The following ZNF37A variants were observed in gnomAD, a reference collection of about 807,000 sequenced individuals.
The protein encoded by ZNF37A is zinc finger protein 37A, also known as zinc finger protein 37a (KOX 21).
In ZNF37A, 10 loss-of-function variants were observed where a neutral mutation model predicts 12.3. The observed-to-expected ratio is 0.82, with a 90% CI of 0.50 to 1.38. The LOEUF (loss-of-function observed/expected upper bound fraction) is 1.38, where lower values mean the gene tolerates loss of function less well. Among genes scored for constraint, ZNF37A ranks in the 40% most tolerant of loss-of-function variants. The probability of loss-of-function intolerance (pLI) is 0.00; values close to 1 mark genes in which losing one functional copy is unlikely to be tolerated. For missense variants in ZNF37A, 580 were observed against 651.2 expected (o/e 0.89, Z 1.19); for synonymous variants, 207 against 223.0 (o/e 0.93, Z 0.64).
At chr10:38,103,053 G>C (rs891989631) in intron 5 of ZNF37A, among the ~76,000 whole-genome samples, 7 of 152,072 alleles carry the variant, frequency 4.6e-5, no homozygotes, top group African/African-American at 2.4e-5. Context: ...AGTTTCTTTA[G>C]AGTCTTGGAC....
chr10:38,139,643 G>A (rs1165085076), intron 7 of ZNF37A: 2 of 152,148 alleles, frequency 1.3e-5, no homozygotes, highest in Non-Finnish European at 2.9e-5. Flanking sequence ...TGGGATTATA[G>A]GTGTACACCA....
At chr10:38,139,057 T>C (rs1183351125) in intron 7 of ZNF37A, 2 of 152,206 alleles carry the variant, frequency 1.3e-5, no homozygotes, top group Non-Finnish European at 2.9e-5. Flanking sequence ...GTGCATGAGT[T>C]CATTACAAAT....
intron 5 of ZNF37A, among the ~76,000 whole-genome samples, chr10:38,108,541 T>A (rs2068342417): frequency 6.6e-6 from 1 of 151,892 alleles, no homozygotes; most frequent in African/African-American, 2.4e-5. Context: ...AAAAAATCAA[T>A]GAATCCAGGA....
At chr10:38,136,944 A>T (rs1564387671) in intron 7 of ZNF37A, among the ~76,000 whole-genome samples, 1 of 151,996 alleles carries the variant, frequency 6.6e-6, no homozygotes, top group Non-Finnish European at 1.5e-5. Context: ...ACCCCTCTAG[A>T]GTATTTTCAG....
intron 7 of ZNF37A, among the ~76,000 whole-genome samples, chr10:38,145,641 G>A (rs1177167285): frequency 9.9e-5 from 15 of 152,254 alleles, no homozygotes; most frequent in South Asian, 2.1e-4. Flanking sequence ...ACTGCGCAGC[G>A]GAAAACAATG....
chr10:38,129,686 G>T (rs77378561), downstream of ZNF37A, among the ~76,000 whole-genome samples: 2,336 of 152,220 alleles, frequency 0.015, 65 homozygotes, highest in African/African-American at 0.054. Flanking sequence ...TGCCATTAGA[G>T]ATTTCATGTA....
downstream of ZNF37A, among the ~76,000 whole-genome samples, chr10:38,129,319 A>AAAAAAAAAC: frequency 2.0e-4 from 23 of 116,292 alleles, no homozygotes; most frequent in African/African-American, 7.6e-4. Context: ...AAAAAAAAAA[A>AAAAAAAAAC]AAACTATTAT....
At chr10:38,133,620 CCATGTCCCTACAAAG>C (rs1347608400) in intron 7 of ZNF37A, among the ~76,000 whole-genome samples, 1 of 152,122 alleles carries the variant, frequency 6.6e-6, no homozygotes, top group Non-Finnish European at 1.5e-5. Context: ...CCACTTTCAT[CCATGTCCCTACAAAG>C]GACATGAACT....
chr10:38,102,487 A>C (rs1276333831), intron 5 of ZNF37A, among the ~76,000 whole-genome samples: 1 of 152,186 alleles, frequency 6.6e-6, no homozygotes, highest in African/African-American at 2.4e-5. Flanking sequence ...TTATTGTCAC[A>C]TATTAGGCCT....
intron 5 of ZNF37A, among the ~76,000 whole-genome samples, chr10:38,109,340 A>G (rs2135953756): frequency 6.6e-6 from 1 of 152,254 alleles, no homozygotes; most frequent in Non-Finnish European, 1.5e-5. Context: ...ACATATCTCA[A>G]AATAATAATA....
At chr10:38,140,474 A>G (rs2070167264) in intron 7 of ZNF37A, 1 of 152,236 alleles carries the variant, frequency 6.6e-6, no homozygotes, top group Admixed American at 6.5e-5. Context: ...AGGGTACAAG[A>G]CTAGAAAAAA....
At chr10:38,128,081 A>G (rs954004968), downstream of ZNF37A, among the ~76,000 whole-genome samples, 21 of 152,182 alleles carry the variant, frequency 1.4e-4, no homozygotes, top group Admixed American at 2.0e-4. Context: ...TGTAAGATCT[A>G]TGTGGAGAAT....
chr10:38,140,297 G>A (rs1179735801), intron 7 of ZNF37A: 2 of 152,250 alleles, frequency 1.3e-5, no homozygotes, highest in Non-Finnish European at 2.9e-5. Flanking sequence ...TACACAAACT[G>A]AGCTGTGTGT....
intron 7 of ZNF37A, among the ~76,000 whole-genome samples, chr10:38,136,294 C>T (rs1393635307): frequency 6.6e-6 from 1 of 152,144 alleles, no homozygotes; most frequent in Admixed American, 6.5e-5. Flanking sequence ...TAGGCACCTG[C>T]CACCACGCCT....
rs1459798201 is a variant in ZNF37A, at chr10:38,121,558, C to G, written c.*2721C>G. On this transcript the variant is annotated 3_prime_UTR_variant, in exon 8 of 8. Transcript: ENST00000685332. Reference sequence around the variant, plus strand: ...GGAAGGGACAGGGGGAGGAGATGGGCAGCATTGTTGAGAGATTGGTAACAC... The same window carrying G: ...GGAAGGGACAGGGGGAGGAGATGGGGAGCATTGTTGAGAGATTGGTAACAC... The G allele has an allele frequency of 6.6e-6, 1 of 152,142 alleles. No homozygotes were observed. The highest frequency in any genetic ancestry group is 1.5e-5 in the Non-Finnish European group (1 of 68,036). The allele number at this position is 152,142 out of a possible 1,614,324, so 9.4% of individuals were successfully genotyped here. A position where few individuals can be genotyped will look rare whatever the true frequency, so the allele number is the denominator to read the frequency against.
intron 7 of ZNF37A, among the ~76,000 whole-genome samples, chr10:38,145,633 T>C (rs1440741860): frequency 1.3e-5 from 2 of 152,236 alleles, no homozygotes; most frequent in African/African-American, 2.4e-5. Flanking sequence ...CATGGGTCAC[T>C]GCGCAGCGGA....
Position 38,115,223 on chromosome 10 carries a change from T to C in ZNF37A, c.171T>C (p.Ile57=). ...VGYCIPKPEV[I]LKLEKGEEPW... ...ATTGCATTCCTAAACCAGAAGTGAT[T>C]CTCAAGTTGGAGAAAGGCGAGGAGC... The change falls in exon 7 of 8, where the codon ATT becomes ATC. Residue 57 remains isoleucine, a synonymous_variant. Transcript: ENST00000685332. 1 of 1,613,814 alleles carries C rather than the reference T, an allele frequency of 6.2e-7. No homozygotes were observed. Among genetic ancestry groups the C allele is most frequent in the Non-Finnish European group, 8.5e-7 (1 of 1,179,970 alleles).
rs944996797 is a variant in ZNF37A, at chr10:38,122,801, A to G, written c.*3964A>G. 18 of 152,360 alleles carry G rather than the reference A, an allele frequency of 1.2e-4. No individual in the cohort carries two copies. Among genetic ancestry groups the G allele is most frequent in the Admixed American group, 8.5e-4 (13 of 15,300 alleles). 9.4% of individuals were successfully genotyped at this position (152,360 alleles called of 1,614,324 possible). Reference sequence around the variant, plus strand: ...TTGTGTAATACCTGACAAACAGGCAACCAAAGCAAAAGTGGACAAATGGGA... The same window carrying G: ...TTGTGTAATACCTGACAAACAGGCAGCCAAAGCAAAAGTGGACAAATGGGA... On this transcript the variant is annotated 3_prime_UTR_variant, in exon 8 of 8. Coordinates refer to ENST00000685332, the MANE Select transcript of ZNF37A (RefSeq NM_001324250.3).
chr10:38,108,326 A>T (rs2068315275), intron 5 of ZNF37A, among the ~76,000 whole-genome samples: 2 of 152,222 alleles, frequency 1.3e-5, no homozygotes, highest in South Asian at 4.1e-4. Flanking sequence ...AACATACCAG[A>T]ATCTCTGGGA....
Sources: allele counts gnomAD v4.1 joint callset (sites outside exome capture counted in the v4.1 genomes callset), GRCh38; gene constraint gnomAD v4.1.1; transcripts MANE v1.5; gene names NCBI Gene and HGNC (gene_info 2026-07-23, HGNC 2026-07-21).